PELI1: variants seen among roughly 807,000 people sequenced by gnomAD.
PELI1 encodes pellino E3 ubiquitin protein ligase 1, also known as E3 ubiquitin-protein ligase pellino homolog 1.
A neutral mutation model predicts 41.3 loss-of-function variants in PELI1; 15 were observed. That is an observed-to-expected ratio of 0.36 (90% CI 0.24 to 0.56). The LOEUF (loss-of-function observed/expected upper bound fraction) is 0.56. PELI1 is among the 20% of genes least tolerant of loss of function. PELI1 has a pLI of 0.82. For missense variants in PELI1, 403 were observed against 525.5 expected (o/e 0.77, Z 2.28); for synonymous variants, 178 against 180.1 (o/e 0.99, Z 0.09).
chr2:64,119,227 A>G (rs556651944), intron 1 of PELI1, among the ~76,000 whole-genome samples: 5 of 152,346 alleles, frequency 3.3e-5, no homozygotes, highest in Admixed American at 1.3e-4. Context: ...CATACAACAT[A>G]CTTCCTAAAA....
intron 2 of PELI1, among the ~76,000 whole-genome samples, chr2:64,107,831 T>A (rs1680672376): frequency 6.6e-6 from 1 of 152,080 alleles, no homozygotes; most frequent in Admixed American, 6.6e-5. Context: ...GCATGCCTCA[T>A]CACGCCCGGC....
chr2:64,138,108 G>T (rs528749352), intron 1 of PELI1, among the ~76,000 whole-genome samples: 1 of 151,608 alleles, frequency 6.6e-6, no homozygotes, highest in African/African-American at 2.4e-5. Flanking sequence ...TTTTTGTTTT[G>T]TTTTGTTTTT....
intron 1 of PELI1, among the ~76,000 whole-genome samples, chr2:64,138,028 T>C (rs1681774757): frequency 6.6e-6 from 1 of 152,242 alleles, no homozygotes; most frequent in Admixed American, 6.5e-5. Flanking sequence ...TAGTCTTCTC[T>C]AACCTTCCTT....
At chr2:64,109,523 A>G (rs1054309501) in intron 1 of PELI1, among the ~76,000 whole-genome samples, 1 of 152,072 alleles carries the variant, frequency 6.6e-6, no homozygotes, top group African/African-American at 2.4e-5. Flanking sequence ...TCTACTAAAA[A>G]TACAAAATTA....
chr2:64,110,838 G>A (rs1680786780), intron 1 of PELI1, among the ~76,000 whole-genome samples: 1 of 151,814 alleles, frequency 6.6e-6, no homozygotes, highest in Non-Finnish European at 1.5e-5. Context: ...GAGGCAGGAG[G>A]ATCACTTGAA....
rs921723951 is a variant in PELI1, at chr2:64,092,967, T to C, written c.*1735A>G. 1.3e-5 allele frequency: 2 copies of C among 152,546 alleles called. No homozygotes were observed. Among genetic ancestry groups the C allele is most frequent in the African/African-American group, 4.8e-5 (2 of 41,470 alleles). 9.4% of individuals were successfully genotyped at this position (152,546 alleles called of 1,614,324 possible). A position where few individuals can be genotyped will look rare whatever the true frequency, so the allele number is the denominator to read the frequency against. On this transcript the variant is annotated 3_prime_UTR_variant, in exon 7 of 7. Coordinates refer to ENST00000358912, the MANE Select transcript of PELI1 (RefSeq NM_020651.4). ...GACTAGAACAAATACAACACAGGACTTGCTTTCTTGCATTAGTCACAAAGC... is the reference window on the plus strand; with the variant it reads ...GACTAGAACAAATACAACACAGGACCTGCTTTCTTGCATTAGTCACAAAGC...
At chr2:64,120,246 C>A (rs1414126128) in intron 1 of PELI1, among the ~76,000 whole-genome samples, 2 of 152,190 alleles carry the variant, frequency 1.3e-5, no homozygotes, top group African/African-American at 4.8e-5. Context: ...AAATTCCATT[C>A]TAGAAAGTAC....
At chr2:64,121,963 C>G (rs1015672579) in intron 1 of PELI1, among the ~76,000 whole-genome samples, 2 of 151,084 alleles carry the variant, frequency 1.3e-5, no homozygotes, top group African/African-American at 2.4e-5. Context: ...GACAAATAAT[C>G]GTATTCATAA....
intron 1 of PELI1, among the ~76,000 whole-genome samples, chr2:64,133,543 C>A (rs983141194): frequency 2.6e-5 from 4 of 152,020 alleles, no homozygotes; most frequent in African/African-American, 9.7e-5. Flanking sequence ...CTAGCTGTAT[C>A]TGCCATGGGT....
At chr2:64,111,805 C>A (rs1170073907) in intron 1 of PELI1, among the ~76,000 whole-genome samples, 9 of 151,728 alleles carry the variant, frequency 5.9e-5, no homozygotes, top group Non-Finnish European at 8.8e-5. Context: ...GTATTCATGC[C>A]CTCTCATTTC....
At chr2:64,112,862 T>G (rs1680850775) in intron 1 of PELI1, among the ~76,000 whole-genome samples, 1 of 152,132 alleles carries the variant, frequency 6.6e-6, no homozygotes, top group African/African-American at 2.4e-5. Context: ...TGAAGAAAGA[T>G]TCATGATCTT....
chr2:64,129,585 T>C (rs966784331), intron 1 of PELI1, among the ~76,000 whole-genome samples: 3 of 152,186 alleles, frequency 2.0e-5, no homozygotes, highest in Admixed American at 6.5e-5. Context: ...TTCTTAATAA[T>C]TCATGAGATA....
rs1368722599 is a variant in PELI1, at chr2:64,095,207, A to G, written c.752T>C (p.Leu251Ser). 1 of 1,613,990 alleles carries G rather than the reference A, an allele frequency of 6.2e-7. No homozygotes were observed. The highest frequency in any genetic ancestry group is 8.5e-7 in the Non-Finnish European group (1 of 1,179,992). Residue 251 changes from leucine to serine, a missense_variant, in exon 7 of 7, where the codon TTG becomes TCG. Coordinates refer to ENST00000358912, the MANE Select transcript of PELI1 (RefSeq NM_020651.4). The part of the protein sequence containing the change: ...GSLIDLCGAT[L>S]LWRTAEGLSH... ...AAGGCCTTCTGCAGTACGCCATAAC[A>G]ATGTTGCACCACAGAGGTCAATTAA...
chr2:64,114,161 G>T lies in PELI1; in HGVS notation c.-69-5782C>A, dbSNP rs557054323. Among the ~76,000 whole-genome samples the T allele has an allele frequency of 2.6e-4, 40 of 152,194 alleles. 1 individual carries two copies. Among genetic ancestry groups the T allele is most frequent in the Admixed American group, 1.0e-3 (16 of 15,294 alleles). On this transcript the variant is annotated intron_variant, in intron 1 of 6. Transcript: ENST00000358912. ...TTTTTTTATGATGAAAAACAATGTG[G>T]ACTGCATATATTATCTCAGATAAAA...
chr2:64,133,738 T>C lies in PELI1; in HGVS notation c.-70+10343A>G, dbSNP rs76165768. 1.7e-3 allele frequency among the ~76,000 whole-genome samples: 258 copies of C among 152,168 alleles called. 7 individuals carry two copies. In the East Asian group the frequency reaches 0.048, roughly 28 times the overall value. ...TCATATTGCCTCTCCTCTCTATTTA[T>C]TCAATAAAAAATACAAAATCCTTTT... is the stretch of plus-strand genomic sequence containing the variant. On this transcript the variant is annotated intron_variant, in intron 1 of 6. Coordinates refer to ENST00000358912, the MANE Select transcript of PELI1 (RefSeq NM_020651.4).
intron 4 of PELI1, among the ~76,000 whole-genome samples, chr2:64,099,894 A>C (rs991994891): frequency 6.6e-6 from 1 of 152,240 alleles, no homozygotes; most frequent in Non-Finnish European, 1.5e-5. Flanking sequence ...GACCAAATAC[A>C]TGCTGAGAAA....
chr2:64,100,268 G>T (rs1680379632), intron 4 of PELI1, 130 bp downstream of exon 4: 7 of 603,636 alleles, frequency 1.2e-5, no homozygotes, highest in East Asian at 1.1e-4. Flanking sequence ...ATAAGGGTTA[G>T]CAATCAATCT....
At chr2:64,129,205 C>T (rs1408020696) in intron 1 of PELI1, among the ~76,000 whole-genome samples, 1 of 152,162 alleles carries the variant, frequency 6.6e-6, no homozygotes, top group African/African-American at 2.4e-5. Context: ...CACTGTATTA[C>T]TTTGCAACTC....
intron 2 of PELI1, among the ~76,000 whole-genome samples, chr2:64,106,546 G>A (rs1383193785): frequency 6.6e-6 from 1 of 152,198 alleles, no homozygotes; most frequent in Admixed American, 6.5e-5. Flanking sequence ...TATGTGATTT[G>A]AAGTTCTAAT....
Sources: gnomAD v4.1 joint callset for allele counts (sites outside exome capture counted in the v4.1 genomes callset) on GRCh38, gnomAD v4.1.1 for gene constraint, MANE v1.5 for transcripts, NCBI Gene and HGNC (gene_info 2026-07-23, HGNC 2026-07-21) for gene names.